Variants in RORA observed in about 807,000 individuals in gnomAD.
RORA encodes RAR related orphan receptor A.
RORA carries 7 observed loss-of-function variants against 69.5 expected under a neutral mutation model. That is an observed-to-expected ratio of 0.10 (90% CI 0.06 to 0.19). RORA has a LOEUF of 0.19. RORA is among the 10% of genes least tolerant of loss of function. The pLI is 1.00. For missense variants in RORA, 457 were observed against 663.0 expected, an observed-to-expected ratio of 0.69 and a Z score of 3.41; for synonymous variants, 261 against 240.8, an observed-to-expected ratio of 1.08 and a Z score of -0.78.
At chr15:60,745,356 G>A (rs2071632516) in intron 1 of RORA, among the ~76,000 whole-genome samples, 1 of 152,296 alleles carries the variant, frequency 6.6e-6, no homozygotes, top group African/African-American at 2.4e-5. Context: ...GCATCTTCCT[G>A]TGCAAAAGTC....
At chr15:60,812,874 A>C (rs1038092705) in intron 1 of RORA, among the ~76,000 whole-genome samples, 13 of 152,328 alleles carry the variant, frequency 8.5e-5, no homozygotes, top group Admixed American at 7.2e-4. Context: ...ATCATCCAGA[A>C]GGGGCATGTC....
chr15:60,771,381 C>T (rs552307822), intron 1 of RORA, among the ~76,000 whole-genome samples: 1 of 152,348 alleles, frequency 6.6e-6, no homozygotes, highest in South Asian at 2.1e-4. Flanking sequence ...ATCTCACACA[C>T]TTGCCTGGGA....
At chr15:61,201,766 T>G (rs1375116137) in intron 1 of RORA, among the ~76,000 whole-genome samples, 5 of 152,300 alleles carry the variant, frequency 3.3e-5, no homozygotes, top group Admixed American at 3.3e-4. Context: ...GAAAGATTAA[T>G]TTAACTCAAA....
chr15:60,815,007 C>T (rs76579679), intron 1 of RORA, among the ~76,000 whole-genome samples: 2,404 of 152,094 alleles, frequency 0.016, 71 homozygotes, highest in African/African-American at 0.055. Context: ...ACACATGAGG[C>T]GAAAGGGTTG....
intron 1 of RORA, among the ~76,000 whole-genome samples, chr15:60,911,564 T>G (rs1484523688): frequency 6.6e-6 from 1 of 152,200 alleles, no homozygotes; most frequent in East Asian, 1.9e-4. Context: ...AAAATCATTC[T>G]AGAATGAAAG....
At chr15:60,698,689 A>G (rs1430914133) in intron 1 of RORA, among the ~76,000 whole-genome samples, 1 of 149,060 alleles carries the variant, frequency 6.7e-6, no homozygotes, top group Non-Finnish European at 1.5e-5. Context: ...AAAGCATTGA[A>G]TAGATATCAT....
At chr15:61,046,945 A>G (rs1419245268) in intron 1 of RORA, among the ~76,000 whole-genome samples, 4 of 152,232 alleles carry the variant, frequency 2.6e-5, no homozygotes, top group Admixed American at 2.0e-4. Context: ...TGCAAGCTCA[A>G]GGCCCTTCTT....
At position 60,712,238 on chromosome 15, in the gene RORA, G is replaced by A. The variant is rs543941227; in HGVS notation, c.167-33552C>T. ...TATTCTATTTGGATTACAAGTGATT[G>A]TCTAACATTTTTAAAAAAGTTGAAG... On this transcript the variant is annotated intron_variant, in intron 1 of 10. Transcript: ENST00000335670. 6.6e-5 allele frequency among the ~76,000 whole-genome samples: 10 copies of A among 152,256 alleles called. No individual in the cohort carries two copies. The South Asian group carries it at 2.1e-3, about 32-fold the overall frequency.
chr15:60,725,732 C>T (rs866501061), intron 1 of RORA, among the ~76,000 whole-genome samples: 8 of 152,150 alleles, frequency 5.3e-5, no homozygotes, highest in South Asian at 2.1e-4. Context: ...TTGTGCCTTT[C>T]GGGATCTAGT....
intron 1 of RORA, among the ~76,000 whole-genome samples, chr15:61,049,104 A>G (rs1437550): frequency 6.2e-4 from 95 of 152,044 alleles, no homozygotes; most frequent in Non-Finnish European, 2.1e-4. Flanking sequence ...GAAATGCTGG[A>G]GGCTCAGTGT....
At chr15:61,059,999 A>AAGG (rs1435724400) in intron 1 of RORA, among the ~76,000 whole-genome samples, 2 of 110,382 alleles carry the variant, frequency 1.8e-5, no homozygotes, top group African/African-American at 6.5e-5. Flanking sequence ...GAAGAAGAAG[A>AAGG]AGAAGAAGAA....
In RORA at chr15:61,188,726, G is replaced by A. The variant is rs552623228; in HGVS notation, c.166+40327C>T. On this transcript the variant is annotated intron_variant, in intron 1 of 10. Coordinates refer to ENST00000335670, the MANE Select transcript of RORA (RefSeq NM_134261.3). ...AAACATGGGTCCACAATGGAGAGAG[G>A]GCAGGTGATAAAAGTGGCCCCACTG... Among the ~76,000 whole-genome samples the A allele has an allele frequency of 2.0e-5, 3 of 152,214 alleles. No homozygotes were observed. In the South Asian group the frequency reaches 6.2e-4, roughly 32 times the overall value.
At chr15:60,892,889 T>C (rs1406952530) in intron 1 of RORA, among the ~76,000 whole-genome samples, 1 of 152,196 alleles carries the variant, frequency 6.6e-6, no homozygotes, top group Non-Finnish European at 1.5e-5. Flanking sequence ...CACATAAATT[T>C]AGCTGGAACA....
intron 1 of RORA, among the ~76,000 whole-genome samples, chr15:60,897,414 C>G (rs1891259787): frequency 1.3e-5 from 2 of 152,164 alleles, no homozygotes; most frequent in African/African-American, 4.8e-5. Flanking sequence ...ACAGTTGCCT[C>G]AAATCCTTCT....
chr15:60,559,052 TAAA>T (rs2067455824), intron 2 of RORA, among the ~76,000 whole-genome samples: 1 of 151,982 alleles, frequency 6.6e-6, no homozygotes, highest in African/African-American at 2.4e-5. Context: ...TTATAAATAA[TAAA>T]AATCTTATAA....
At chr15:61,005,287 C>T (rs1284591197) in intron 1 of RORA, among the ~76,000 whole-genome samples, 1 of 152,102 alleles carries the variant, frequency 6.6e-6, no homozygotes, top group Admixed American at 6.5e-5. Flanking sequence ...CGAGATCAGC[C>T]TGGCCAACAT....
chr15:60,627,666 GA>G, intron 2 of RORA: 1 of 378,320 alleles, frequency 2.6e-6, no homozygotes, highest in Non-Finnish European at 3.6e-6. Context: ...CAAATAGTTT[GA>G]AAAAATTCCA....
intron 1 of RORA, among the ~76,000 whole-genome samples, chr15:61,227,728 A>AG (rs1393493615): frequency 6.6e-6 from 1 of 152,056 alleles, no homozygotes; most frequent in East Asian, 1.9e-4. Context: ...GTGCAAGAGG[A>AG]GGGGGCGCGC....
At chr15:60,966,022 C>T (rs1170319386) in intron 1 of RORA, among the ~76,000 whole-genome samples, 1 of 152,190 alleles carries the variant, frequency 6.6e-6, no homozygotes, top group Non-Finnish European at 1.5e-5. Context: ...TTTACTGCCT[C>T]ACAAGGCTAC....
Sources: gnomAD v4.1 joint callset for allele counts (sites outside exome capture counted in the v4.1 genomes callset) on GRCh38, gnomAD v4.1.1 for gene constraint, MANE v1.5 for transcripts, NCBI Gene and HGNC (gene_info 2026-07-23, HGNC 2026-07-21) for gene names.